Variants in TMEM67 observed in about 807,000 individuals in gnomAD.
TMEM67 encodes meckelin.
A neutral mutation model predicts 136.6 loss-of-function variants in TMEM67; 124 were observed. That is an observed-to-expected ratio of 0.91 (90% CI 0.78 to 1.05). TMEM67 has a LOEUF of 1.05. Ranked by LOEUF, TMEM67 falls within the 50% of genes least tolerant of loss-of-function variation. The pLI, the probability that TMEM67 is intolerant of heterozygous loss-of-function variation, is 0.00. For missense variants in TMEM67, 1,107 were observed against 1,178.4 expected (o/e 0.94, Z 0.89); for synonymous variants, 364 against 390.5 (o/e 0.93, Z 0.80).
chr8:93,806,328 A>G, intron 23 of TMEM67, among the ~76,000 whole-genome samples: 1 of 152,216 alleles, frequency 6.6e-6, no homozygotes, highest in East Asian at 1.9e-4. Flanking sequence ...GGAATAACTA[A>G]TTTTGTTAGG....
At chr8:93,773,635 A>G (rs1417685954) in intron 7 of TMEM67, among the ~76,000 whole-genome samples, 3 of 152,240 alleles carry the variant, frequency 2.0e-5, no homozygotes. Flanking sequence ...AGTTTTTCAC[A>G]TGAATAACTG....
At chr8:93,807,884 T>TA (rs928108647) in intron 23 of TMEM67, among the ~76,000 whole-genome samples, 36 of 152,116 alleles carry the variant, frequency 2.4e-4, no homozygotes, top group African/African-American at 8.4e-4. Context: ...AAATTTTTTT[T>TA]ACATATTTGT....
Position 93,815,303 on chromosome 8 carries a change from A to G in TMEM67, c.2765-2A>G. 6.5e-7 allele frequency: 1 copy of G among 1,530,514 alleles called. No homozygotes were observed. The highest frequency in any genetic ancestry group is 1.2e-5 in the South Asian group (1 of 80,070). The allele number at this position is 1,530,514 out of a possible 1,614,324, so 94.8% of individuals were successfully genotyped here. A position where few individuals can be genotyped will look rare whatever the true frequency, so the allele number is the denominator to read the frequency against. On this transcript the variant is annotated splice_acceptor_variant, in intron 26 of 27. Transcript: ENST00000453321. LOFTEE classifies it high-confidence loss of function. Reference sequence around the variant, plus strand: ...TTTATATTTTCTAAATTTTTTTAATAGATGAAGGTTATTCTTTCAGCAGTG... The same window carrying G: ...TTTATATTTTCTAAATTTTTTTAATGGATGAAGGTTATTCTTTCAGCAGTG...
chr8:93,792,940 T>A (rs1427645171), intron 15 of TMEM67, among the ~76,000 whole-genome samples: 2 of 151,910 alleles, frequency 1.3e-5, no homozygotes, highest in Non-Finnish European at 2.9e-5. Flanking sequence ...GCCCAGCTAA[T>A]TTTTTGTATT....
intron 3 of TMEM67, among the ~76,000 whole-genome samples, chr8:93,760,375 A>T (rs961462055): frequency 6.6e-6 from 1 of 152,200 alleles, no homozygotes; most frequent in Non-Finnish European, 1.5e-5. Flanking sequence ...TTGGTATGTG[A>T]AAAAAGTGGC....
chr8:93,763,929 CTT>C lies in TMEM67; in HGVS notation c.496_497del (p.Leu166ArgfsTer8). 6.2e-7 allele frequency: 1 copy of C among 1,610,842 alleles called. No homozygotes were observed. Among genetic ancestry groups the C allele is most frequent in the South Asian group, 1.1e-5 (1 of 90,990 alleles). On this transcript the variant is annotated frameshift_variant, in exon 4 of 28. Coordinates refer to ENST00000453321, the MANE Select transcript of TMEM67 (RefSeq NM_153704.6). LOFTEE classifies it high-confidence loss of function. ...GAAAACTCTTTTATGGTAGTAAATG[CTT>C]TAGGAGACAGGTAAGCAGTGTGATG...
At chr8:93,795,582 T>C (rs1814576846) in intron 17 of TMEM67, 75 bp downstream of exon 17, 1 of 1,311,936 alleles carries the variant, frequency 7.6e-7, no homozygotes, top group African/African-American at 1.5e-5. Flanking sequence ...AAGGAACTAT[T>C]TTTATTTGAG....
intron 3 of TMEM67, 150 bp from the exon 4 acceptor site, chr8:93,763,692 G>A (rs1248575394): frequency 1.6e-6 from 1 of 630,592 alleles, no homozygotes; most frequent in East Asian, 2.8e-5. Flanking sequence ...TTATTATGGA[G>A]ATACTTGTTA....
At chr8:93,827,846 C>T in the TMEM67 span, among the ~76,000 whole-genome samples, 1 of 151,736 alleles carries the variant, frequency 6.6e-6, no homozygotes, top group South Asian at 2.1e-4. Context: ...AACCCTGTTT[C>T]ATGGTGGCCA....
At chr8:93,819,780 G>A (rs1809014162), downstream of TMEM67, among the ~76,000 whole-genome samples, 1 of 152,178 alleles carries the variant, frequency 6.6e-6, no homozygotes, top group Non-Finnish European at 1.5e-5. Context: ...CAGAGTACAT[G>A]TACTGTTTAT....
At chr8:93,795,791 A>G in intron 17 of TMEM67, 110 bp from the exon 18 acceptor site, 1 of 826,898 alleles carries the variant, frequency 1.2e-6, no homozygotes, top group Non-Finnish European at 2.0e-6. Context: ...CCCGGGCAGC[A>G]TACTGAGACC....
intron 1 of TMEM67, among the ~76,000 whole-genome samples, chr8:93,755,444 G>C (rs1812525575): frequency 6.6e-6 from 1 of 152,218 alleles, no homozygotes. Flanking sequence ...GTGTGCCAGT[G>C]TAAGACCTCT....
chr8:93,809,411 T>C (rs1374573651), intron 25 of TMEM67, among the ~76,000 whole-genome samples: 1 of 152,198 alleles, frequency 6.6e-6, no homozygotes, highest in African/African-American at 2.4e-5. Context: ...TGAAATTTTA[T>C]GTGTCTGTTA....
chr8:93,778,056 A>G (rs1813637226), intron 7 of TMEM67, among the ~76,000 whole-genome samples: 1 of 152,166 alleles, frequency 6.6e-6, no homozygotes, highest in Non-Finnish European at 1.5e-5. Context: ...GTGCATATAT[A>G]TTTAGGATAG....
chr8:93,816,427 T>C lies in TMEM67; in HGVS notation c.2963T>C (p.Leu988Ser). The change falls in exon 28 of 28, where the codon TTG becomes TCG. Residue 988 changes from leucine (L) to serine (S), a missense_variant. This residue lies in a region of TMEM67 where 925 missense variants were observed against 1,002.4 expected (regional missense o/e 0.92). Transcript: ENST00000453321. ...VGQKNLASKT[L>S]VDQRFLI ...CAAAAGAATTTGGCATCCAAAACATTGGTGGATCAAAGATTTTTGATTTAA... is the reference window on the plus strand; with the variant it reads ...CAAAAGAATTTGGCATCCAAAACATCGGTGGATCAAAGATTTTTGATTTAA... 3.1e-6 allele frequency: 5 copies of C among 1,597,460 alleles called. No individual in the cohort carries two copies. Among genetic ancestry groups the C allele is most frequent in the Non-Finnish European group, 4.3e-6 (5 of 1,166,422 alleles).
Position 93,772,604 on chromosome 8 carries a change from T to A in TMEM67, c.667T>A (p.Ser223Thr). The A allele has an allele frequency of 6.2e-7, 1 of 1,612,838 alleles. No homozygotes were observed. Among genetic ancestry groups the A allele is most frequent in the South Asian group, 1.1e-5 (1 of 90,824 alleles). ...TTGTTTACAGGGCATGTCTTTAACT[T>A]CAGAATGGTTTGCAAAGTATTTGCA... ...RYGEVGMSLT[S>T]EWFAKYLQSS... The change falls in exon 7 of 28, where the codon TCA becomes ACA. Residue 223 changes from serine to threonine, a missense_variant. Physicochemically the swap from Ser to Thr is moderately conservative, Grantham distance 58. Coordinates refer to ENST00000453321, the MANE Select transcript of TMEM67 (RefSeq NM_153704.6).
chr8:93,756,143 G>A (rs1812563325), intron 2 of TMEM67: 1 of 316,534 alleles, frequency 3.2e-6, no homozygotes, highest in Admixed American at 4.6e-5. Flanking sequence ...ACTCGGTTAT[G>A]AAGAAAATTA....
intron 22 of TMEM67, among the ~76,000 whole-genome samples, chr8:93,804,310 C>CTTTTTTTTTTTTTTTTTTTTT (rs1182297223): frequency 6.4e-5 from 6 of 93,810 alleles, no homozygotes; most frequent in African/African-American, 1.2e-4. Flanking sequence ...CTTTTCTTTT[C>CTTTTTTTTTTTTTTTTTTTTT]TTTTTTTTTT....
intron 13 of TMEM67, 67 bp from the exon 14 acceptor site, chr8:93,787,777 G>T: frequency 8.3e-7 from 1 of 1,200,556 alleles, no homozygotes; most frequent in African/African-American, 1.5e-5. Context: ...AAAAGAAATG[G>T]TAAGTTAAAT....
Sources: gnomAD v4.1 joint callset for allele counts (sites outside exome capture counted in the v4.1 genomes callset) on GRCh38, gnomAD v4.1.1 for gene constraint, gnomAD v4.1.1 regional missense constraint, MANE v1.5 for transcripts, NCBI Gene and HGNC (gene_info 2026-07-23, HGNC 2026-07-21) for gene names.